Variants in PTPRG observed in about 807,000 individuals in gnomAD.
PTPRG encodes protein tyrosine phosphatase receptor type G.
Under a neutral mutation model 165.3 loss-of-function variants are expected in PTPRG, and 102 were observed. The ratio of observed to expected loss-of-function variants is 0.62; its 90% CI spans 0.53 to 0.73. The LOEUF (loss-of-function observed/expected upper bound fraction) is 0.73. Among genes scored for constraint, PTPRG ranks in the 30% least tolerant of loss-of-function variants. The pLI, the probability that PTPRG is intolerant of heterozygous loss-of-function variation, is 0.00. For missense variants in PTPRG, 1,866 were observed against 1,861.4 expected, an observed-to-expected ratio of 1.00 and a Z score of -0.05; for synonymous variants, 675 against 669.5, an observed-to-expected ratio of 1.01 and a Z score of -0.13.
intron 1 of PTPRG, among the ~76,000 whole-genome samples, chr3:61,674,687 G>C (rs1703162146): frequency 6.6e-6 from 1 of 151,984 alleles, no homozygotes; most frequent in Non-Finnish European, 1.5e-5. Context: ...ATTTTATCTT[G>C]ACCTTTCTCT....
At position 61,843,158 on chromosome 3, in the gene PTPRG, A is replaced by G. The variant is rs573453126; in HGVS notation, c.190+94176A>G. On this transcript the variant is annotated intron_variant, in intron 2 of 29. Coordinates refer to ENST00000474889, the MANE Select transcript of PTPRG (RefSeq NM_002841.4). The stretch of plus-strand genomic sequence containing the variant: ...TTACCGAATGTCAATTTAAATTTTG[A>G]TAAGCCACAATCCCACCAATATTTG... Among the ~76,000 whole-genome samples the G allele has an allele frequency of 6.6e-5, 10 of 152,320 alleles. No homozygotes were observed. The South Asian group carries it at 1.9e-3, about 28-fold the overall frequency.
Position 61,561,996 on chromosome 3 carries a change from A to C in PTPRG, c.-292A>C. 1 of 261,992 alleles carries C rather than the reference A, an allele frequency of 3.8e-6. No individual in the cohort carries two copies. The highest frequency in any genetic ancestry group is 7.1e-6 in the Non-Finnish European group (1 of 140,428). The allele number at this position is 261,992 out of a possible 1,614,324, so 16.2% of individuals were successfully genotyped here. A position where few individuals can be genotyped will look rare whatever the true frequency, so the allele number is the denominator to read the frequency against. On this transcript the variant is annotated 5_prime_UTR_variant, in exon 1 of 30. Coordinates refer to ENST00000474889, the MANE Select transcript of PTPRG (RefSeq NM_002841.4). ...CCCGGGGCATCGCCGCCGGCCGCCG[A>C]CTCCGCGCCCTGCCCGATCGGCTCT... is the stretch of plus-strand genomic sequence containing the variant.
intron 1 of PTPRG, among the ~76,000 whole-genome samples, chr3:61,622,263 G>A (rs1186603691): frequency 6.7e-6 from 1 of 149,214 alleles, no homozygotes; most frequent in Non-Finnish European, 1.5e-5. Context: ...TTGTGTTTAA[G>A]TTCTTCAAAC....
In PTPRG at chr3:61,730,176, GTTGGCAGAA is replaced by G. The variant is rs1559578759; in HGVS notation, c.86-18701_86-18693del. Among the ~76,000 whole-genome samples, 3 of 152,214 alleles carry G rather than the reference GTTGGCAGAA, an allele frequency of 2.0e-5. No individual in the cohort carries two copies. The East Asian group carries it at 5.8e-4, about 29-fold the overall frequency. On this transcript the variant is annotated intron_variant, in intron 1 of 29. Transcript: ENST00000474889. ...CTTGCCTGTAAGGGATACCGTCTGT[GTTGGCAGAA>G]CCAGGGGCTTGTCCTGCTGGGCTGG...
intron 2 of PTPRG, among the ~76,000 whole-genome samples, chr3:61,875,285 G>A (rs2037703006): frequency 6.6e-6 from 1 of 152,146 alleles, no homozygotes; most frequent in Admixed American, 6.5e-5. Context: ...GGTATTTCCT[G>A]TTGATACCAT....
intron 2 of PTPRG, among the ~76,000 whole-genome samples, chr3:61,841,462 C>G (rs1260395546): frequency 6.6e-6 from 1 of 152,072 alleles, no homozygotes; most frequent in African/African-American, 2.4e-5. Context: ...AGTCATTATC[C>G]AGACTAATGG....
chr3:61,593,160 G>A (rs73838834), intron 1 of PTPRG, among the ~76,000 whole-genome samples: 4,513 of 152,192 alleles, frequency 0.03, 197 homozygotes, highest in African/African-American at 0.1. Context: ...AATTTGAGAT[G>A]TGTGCAGTGC....
At chr3:62,078,117 T>C in intron 4 of PTPRG, 46 bp from the exon 5 acceptor site, 1 of 1,337,470 alleles carries the variant, frequency 7.5e-7, no homozygotes, top group Admixed American at 1.9e-5. Context: ...ACTTTTTATT[T>C]ATGTTTGAAA....
intron 4 of PTPRG, among the ~76,000 whole-genome samples, chr3:62,049,881 C>T (rs989989411): frequency 7.9e-5 from 12 of 152,086 alleles, no homozygotes; most frequent in African/African-American, 1.9e-4. Flanking sequence ...TCTCATACTT[C>T]GCTGTTTTTG....
intron 2 of PTPRG, among the ~76,000 whole-genome samples, chr3:61,921,611 C>T (rs1321511576): frequency 6.6e-6 from 1 of 152,108 alleles, no homozygotes; most frequent in Non-Finnish European, 1.5e-5. Context: ...TTTAAAATTA[C>T]CTTCAGACTA....
At chr3:61,991,096 G>A (rs2107696365) in intron 3 of PTPRG, among the ~76,000 whole-genome samples, 1 of 152,252 alleles carries the variant, frequency 6.6e-6, no homozygotes, top group East Asian at 1.9e-4. Flanking sequence ...AATGCCCCCA[G>A]AAACAATTCT....
intron 1 of PTPRG, among the ~76,000 whole-genome samples, chr3:61,627,062 T>C (rs537867500): frequency 6.6e-5 from 10 of 151,706 alleles, no homozygotes; most frequent in Non-Finnish European, 1.3e-4. Flanking sequence ...CCAAATGCAG[T>C]GTGTGGACTT....
chr3:61,621,143 T>G (rs1382285442), intron 1 of PTPRG, among the ~76,000 whole-genome samples: 1 of 151,632 alleles, frequency 6.6e-6, no homozygotes, highest in Non-Finnish European at 1.5e-5. Context: ...CTTAAAAATG[T>G]AAAGCATGAG....
intron 1 of PTPRG, among the ~76,000 whole-genome samples, chr3:61,748,645 T>C (rs539380423): frequency 1.9e-4 from 29 of 152,282 alleles, no homozygotes; most frequent in South Asian, 1.7e-3. Context: ...CTTAGTGTAC[T>C]GCACTTCTTG....
chr3:61,640,866 T>G (rs991852018), intron 1 of PTPRG, among the ~76,000 whole-genome samples: 12 of 152,196 alleles, frequency 7.9e-5, no homozygotes, highest in Admixed American at 5.9e-4. Context: ...CCTTTAGAGT[T>G]TCTTTTCTCT....
intron 1 of PTPRG, among the ~76,000 whole-genome samples, chr3:61,607,345 G>A (rs1701039690): frequency 1.3e-5 from 2 of 152,020 alleles, no homozygotes; most frequent in African/African-American, 4.8e-5. Flanking sequence ...TTAGAATATT[G>A]TCCCGAGAAA....
chr3:62,146,468 C>T (rs1306498605), intron 6 of PTPRG, among the ~76,000 whole-genome samples: 1 of 152,018 alleles, frequency 6.6e-6, no homozygotes, highest in Non-Finnish European at 1.5e-5. Context: ...TAGTATGGGC[C>T]CCGGGATTTT....
chr3:61,844,089 G>T (rs778511678), intron 2 of PTPRG, among the ~76,000 whole-genome samples: 30 of 151,292 alleles, frequency 2.0e-4, no homozygotes, highest in Admixed American at 7.3e-4. Context: ...TCAGCCTCCC[G>T]AGTAGCTGGG....
In PTPRG at chr3:62,214,766, C is replaced by T. The variant is rs766114930; in HGVS notation, c.2156-4085C>T. Among the ~76,000 whole-genome samples the T allele has an allele frequency of 6.6e-5, 10 of 152,216 alleles. No homozygotes were observed. The highest frequency in any genetic ancestry group is 1.5e-4 in the Non-Finnish European group (10 of 68,046). On this transcript the variant is annotated intron_variant, in intron 12 of 29. Transcript: ENST00000474889. This position sits in a 1 kb window ranked among gnomAD's most constrained non-coding sequence, Gnocchi z 5.2. ...CCCCAACAGTCCTATGAAGTAGGCTCTTTTCATCCCATTTGATAGATGAAG... is the reference window on the plus strand; with the variant it reads ...CCCCAACAGTCCTATGAAGTAGGCTTTTTTCATCCCATTTGATAGATGAAG...
Sources: allele counts gnomAD v4.1 joint callset (sites outside exome capture counted in the v4.1 genomes callset), GRCh38; gene constraint gnomAD v4.1.1; non-coding constraint Gnocchi (gnomAD v3.1); transcripts MANE v1.5; gene names NCBI Gene and HGNC (gene_info 2026-07-23, HGNC 2026-07-21).